The following BLTP1 variants were observed in gnomAD, a reference collection of about 807,000 sequenced individuals.
The protein encoded by BLTP1 is fragile site-associated protein.
chr4:122,217,621 T>C, the BLTP1 span, among the ~76,000 whole-genome samples: 1 of 152,170 alleles, frequency 6.6e-6, no homozygotes, highest in African/African-American at 2.4e-5. Flanking sequence ...AGTTAGCTAG[T>C]ATTTTGTTGA....
the BLTP1 span, among the ~76,000 whole-genome samples, chr4:122,329,091 A>G: frequency 6.6e-6 from 1 of 151,744 alleles, no homozygotes; most frequent in Admixed American, 6.6e-5. Flanking sequence ...TGAATCCCAT[A>G]CATCAGCATA....
chr4:122,189,153 T>G, the BLTP1 span: 2 of 851,476 alleles, frequency 2.3e-6, no homozygotes, highest in Admixed American at 6.2e-5. Flanking sequence ...ATAAAAAGAT[T>G]TAAAATTGTA....
At chr4:122,344,708 G>A in the BLTP1 span, 4 of 1,224,278 alleles carry the variant, frequency 3.3e-6, no homozygotes, top group Admixed American at 5.7e-5. Flanking sequence ...CCCAGCCTAC[G>A]GTACTGTGTC....
the BLTP1 span, chr4:122,205,925 A>G: frequency 5.1e-6 from 5 of 984,630 alleles, no homozygotes; most frequent in African/African-American, 1.7e-5. Context: ...CTGGGAGTGT[A>G]CAATGCATGT....
At chr4:122,333,429 C>T in the BLTP1 span, 1 of 154,814 alleles carries the variant, frequency 6.5e-6, no homozygotes, top group Non-Finnish European at 1.3e-5. Context: ...TAAATGTCTT[C>T]TTTTGAGAAG....
At chr4:122,160,766 C>T in the BLTP1 span, among the ~76,000 whole-genome samples, 1 of 152,160 alleles carries the variant, frequency 6.6e-6, no homozygotes, top group African/African-American at 2.4e-5. Flanking sequence ...GATAAACAAT[C>T]TGTTCAGGCA....
At chr4:122,315,742 G>A in the BLTP1 span, 1 of 1,550,338 alleles carries the variant, frequency 6.5e-7, no homozygotes, top group Non-Finnish European at 8.9e-7. Context: ...CCTGAGACAG[G>A]GATATTTTTT....
chr4:122,254,685 A>G, the BLTP1 span: 5 of 1,236,590 alleles, frequency 4.0e-6, no homozygotes, highest in African/African-American at 6.2e-5. Flanking sequence ...TCAGTGCTCA[A>G]AAAGAAAAGA....
the BLTP1 span, chr4:122,306,026 G>A: frequency 1.4e-5 from 22 of 1,605,566 alleles, no homozygotes; most frequent in African/African-American, 2.8e-4. Context: ...TTTATGCACA[G>A]CCTGTGGCCT....
chr4:122,226,850 A>T, the BLTP1 span: 1 of 1,565,778 alleles, frequency 6.4e-7, no homozygotes, highest in Non-Finnish European at 8.7e-7. Flanking sequence ...ATTAACAAAT[A>T]TGTTAGCAAT....
the BLTP1 span, chr4:122,346,930 G>C: frequency 1.1e-6 from 1 of 878,498 alleles, no homozygotes; most frequent in Non-Finnish European, 1.4e-6. Context: ...TATTAGCACT[G>C]AGGATATATC....
chr4:122,304,371 C>G, the BLTP1 span, among the ~76,000 whole-genome samples: 2 of 152,032 alleles, frequency 1.3e-5, no homozygotes, highest in Non-Finnish European at 2.9e-5. Flanking sequence ...ACCACCATGC[C>G]CATCTAATTT....
chr4:122,348,267 A>G, the BLTP1 span, among the ~76,000 whole-genome samples: 1 of 152,130 alleles, frequency 6.6e-6, no homozygotes, highest in Non-Finnish European at 1.5e-5. Context: ...GTTAAACAGA[A>G]TCCTAGGGTG....
At chr4:122,242,227 T>C in the BLTP1 span, among the ~76,000 whole-genome samples, 1 of 152,166 alleles carries the variant, frequency 6.6e-6, no homozygotes, top group Non-Finnish European at 1.5e-5. Context: ...TCAACCTAAA[T>C]GTCCATCAAT....
the BLTP1 span, among the ~76,000 whole-genome samples, chr4:122,176,321 AAAGTT>A: frequency 1.4e-3 from 212 of 152,238 alleles, 1 homozygote; most frequent in Non-Finnish European, 2.2e-3. Flanking sequence ...AAGAAAAAGA[AAAGTT>A]TAATTTTTAA....
At chr4:122,258,657 T>C in the BLTP1 span, 2 of 1,559,912 alleles carry the variant, frequency 1.3e-6, no homozygotes, top group East Asian at 4.7e-5. Context: ...TTCATGAAAA[T>C]GTGTGATAAT....
the BLTP1 span, among the ~76,000 whole-genome samples, chr4:122,193,328 T>G: frequency 6.6e-6 from 1 of 152,114 alleles, no homozygotes; most frequent in African/African-American, 2.4e-5. Flanking sequence ...AGAAGAAGGC[T>G]GTTTGGTTGA....
the BLTP1 span, among the ~76,000 whole-genome samples, chr4:122,339,785 T>G: frequency 6.6e-6 from 1 of 152,158 alleles, no homozygotes; most frequent in South Asian, 2.1e-4. Context: ...AAATGGAAAA[T>G]AAGAAACATA....
At chr4:122,276,227 G>T in the BLTP1 span, 1 of 423,510 alleles carries the variant, frequency 2.4e-6, no homozygotes, top group Non-Finnish European at 3.7e-6. Flanking sequence ...TTCATACCTT[G>T]TCTGTTGTTG....
Sources: gnomAD v4.1 joint callset for allele counts (sites outside exome capture counted in the v4.1 genomes callset) on GRCh38, gnomAD v4.1.1 for gene constraint, MANE v1.5 for transcripts, NCBI Gene and HGNC (gene_info 2026-07-23, HGNC 2026-07-21) for gene names.